SLIT3: variants seen among roughly 807,000 people sequenced by gnomAD.
SLIT3 encodes slit guidance ligand 3.
Under a neutral mutation model 184.0 loss-of-function variants are expected in SLIT3, and 68 were observed. The ratio of observed to expected loss-of-function variants is 0.37; its 90% CI spans 0.30 to 0.45. SLIT3 has a LOEUF of 0.45. SLIT3 is among the 20% of genes least tolerant of loss of function. The pLI, the probability that SLIT3 is intolerant of heterozygous loss-of-function variation, is 1.00. For missense variants in SLIT3, 1,707 were observed against 2,026.0 expected, an observed-to-expected ratio of 0.84 and a Z score of 3.02; for synonymous variants, 831 against 828.6, an observed-to-expected ratio of 1.00 and a Z score of -0.05.
intron 4 of SLIT3, among the ~76,000 whole-genome samples, chr5:168,949,279 T>C (rs76107602): frequency 0.039 from 5,928 of 152,190 alleles, 161 homozygotes; most frequent in Middle Eastern, 0.061. Flanking sequence ...AATCCTGCAG[T>C]CATGGGGACC....
intron 3 of SLIT3, among the ~76,000 whole-genome samples, chr5:169,210,925 A>G (rs1764245064): frequency 6.6e-6 from 1 of 152,214 alleles, no homozygotes; most frequent in Middle Eastern, 3.2e-3. Flanking sequence ...GGGTGTGGCC[A>G]TGTAACTTGA....
intron 4 of SLIT3, among the ~76,000 whole-genome samples, chr5:169,135,079 T>C (rs1215795099): frequency 1.3e-5 from 2 of 152,156 alleles, no homozygotes; most frequent in Non-Finnish European, 2.9e-5. Flanking sequence ...CTCTAACAAA[T>C]GAGAGGGTGG....
intron 4 of SLIT3, among the ~76,000 whole-genome samples, chr5:168,941,994 A>G (rs1762348725): frequency 1.3e-5 from 2 of 152,170 alleles, no homozygotes; most frequent in South Asian, 4.1e-4. Flanking sequence ...TCCAGCCACC[A>G]CATCTGCATC....
At chr5:169,034,970 C>T (rs967530684) in intron 4 of SLIT3, among the ~76,000 whole-genome samples, 36 of 140,494 alleles carry the variant, frequency 2.6e-4, no homozygotes, top group Admixed American at 1.2e-3. Context: ...TTGGTAGAGA[C>T]GGGGTTTTGT....
At chr5:168,974,067 T>C (rs1754673689) in intron 4 of SLIT3, among the ~76,000 whole-genome samples, 1 of 152,216 alleles carries the variant, frequency 6.6e-6, no homozygotes, top group Non-Finnish European at 1.5e-5. Context: ...CTGGCATCTC[T>C]CTCTCTCTCC....
At chr5:169,026,297 T>G (rs952203437) in intron 4 of SLIT3, 1 of 152,210 alleles carries the variant, frequency 6.6e-6, no homozygotes, top group East Asian at 1.9e-4. Flanking sequence ...AGTATGTTGT[T>G]TTGCCATTTC....
intron 4 of SLIT3, among the ~76,000 whole-genome samples, chr5:168,964,271 G>A (rs1048605071): frequency 6.6e-6 from 1 of 152,152 alleles, no homozygotes; most frequent in African/African-American, 2.4e-5. Context: ...ACATAGTGAT[G>A]GAATACTTTG....
At chr5:169,289,784 T>C (rs1767277646) in intron 1 of SLIT3, among the ~76,000 whole-genome samples, 1 of 152,188 alleles carries the variant, frequency 6.6e-6, no homozygotes, top group African/African-American at 2.4e-5. Context: ...CAGGGAGAGA[T>C]GCAAACATGC....
Position 168,804,490 on chromosome 5 carries a change from G to A in SLIT3, c.935+1956C>T, listed in dbSNP as rs577796004. Among the ~76,000 whole-genome samples, 5 of 152,210 alleles carry A rather than the reference G, an allele frequency of 3.3e-5. No homozygotes were observed. In the South Asian group the frequency reaches 6.2e-4, roughly 19 times the overall value. On this transcript the variant is annotated intron_variant, in intron 9 of 35. Coordinates refer to ENST00000519560, the MANE Select transcript of SLIT3 (RefSeq NM_003062.4). ...AGTAGGTGAGGACTAAGTAGATTCC[G>A]TAGAGGGAGCGCTCTCTAAAGCTAG...
At chr5:169,001,300 A>G (rs913414883) in intron 4 of SLIT3, among the ~76,000 whole-genome samples, 5 of 152,188 alleles carry the variant, frequency 3.3e-5, no homozygotes, top group African/African-American at 1.2e-4. Flanking sequence ...AAAGTTCTCA[A>G]ACCACCCCCA....
At chr5:168,704,749 T>C (rs1206350527) in intron 26 of SLIT3, among the ~76,000 whole-genome samples, 1 of 152,196 alleles carries the variant, frequency 6.6e-6, no homozygotes, top group Admixed American at 6.5e-5. Context: ...TATTGTGGCT[T>C]CCCAAGGTCA....
At chr5:168,763,081 C>G (rs530445345) in intron 14 of SLIT3, among the ~76,000 whole-genome samples, 3 of 152,160 alleles carry the variant, frequency 2.0e-5, no homozygotes, top group Admixed American at 2.0e-4. Context: ...CAACTCCTAT[C>G]ATTCATGGAC....
At chr5:169,224,938 C>T (rs1428480185) in intron 3 of SLIT3, among the ~76,000 whole-genome samples, 2 of 152,166 alleles carry the variant, frequency 1.3e-5, no homozygotes, top group Non-Finnish European at 2.9e-5. Context: ...CCCATCTTGG[C>T]CTCCCGAAGT....
chr5:169,006,619 A>ACT (rs1350154855), intron 4 of SLIT3, among the ~76,000 whole-genome samples: 1 of 151,224 alleles, frequency 6.6e-6, no homozygotes, highest in Non-Finnish European at 1.5e-5. Flanking sequence ...ACACACACAC[A>ACT]CACACACACA....
intron 4 of SLIT3, among the ~76,000 whole-genome samples, chr5:168,941,173 G>A (rs991847910): frequency 1.3e-5 from 2 of 152,010 alleles, no homozygotes; most frequent in Admixed American, 6.6e-5. Context: ...TTTTTGGGGG[G>A]CTTCCACAAA....
intron 4 of SLIT3, among the ~76,000 whole-genome samples, chr5:169,036,675 G>A (rs753292351): frequency 1.6e-4 from 25 of 151,876 alleles, no homozygotes; most frequent in Non-Finnish European, 2.8e-4. Context: ...TTTTGGCGGC[G>A]TCTGTGCAGA....
At chr5:169,277,140 T>C (rs905700635) in intron 1 of SLIT3, among the ~76,000 whole-genome samples, 3 of 151,640 alleles carry the variant, frequency 2.0e-5, no homozygotes, top group African/African-American at 7.3e-5. Context: ...TCTGGAAATA[T>C]GCTGGACACT....
chr5:169,091,454 G>C (rs893226132), intron 4 of SLIT3, among the ~76,000 whole-genome samples: 1 of 152,234 alleles, frequency 6.6e-6, no homozygotes, highest in Admixed American at 6.5e-5. Flanking sequence ...CTTGACTCAT[G>C]CAACTCATGG....
At chr5:168,692,550 C>A in intron 29 of SLIT3, 57 bp downstream of exon 29, 1 of 1,200,546 alleles carries the variant, frequency 8.3e-7, no homozygotes, top group Non-Finnish European at 1.2e-6. Context: ...AAAACCTAGA[C>A]TGTTAGAGGC....
Sources: allele counts gnomAD v4.1 joint callset (sites outside exome capture counted in the v4.1 genomes callset), GRCh38; gene constraint gnomAD v4.1.1; transcripts MANE v1.5; gene names NCBI Gene and HGNC (gene_info 2026-07-23, HGNC 2026-07-21).